The following NR1D2 variants were observed in gnomAD, a reference collection of about 807,000 sequenced individuals.
NR1D2 encodes V-erbA-related protein 1-related.
In NR1D2, 25 loss-of-function variants were observed where a neutral mutation model predicts 52.2. That is an observed-to-expected ratio of 0.48 (90% CI 0.35 to 0.67). The LOEUF is 0.67. Among genes scored for constraint, NR1D2 ranks in the 30% least tolerant of loss-of-function variants. NR1D2 has a pLI of 0.01. For synonymous variants in NR1D2, 259 were observed against 230.1 expected, an observed-to-expected ratio of 1.13 and a Z score of -1.14; for missense variants, 681 against 707.2, an observed-to-expected ratio of 0.96 and a Z score of 0.42.
In NR1D2 at chr3:23,956,145, C is replaced by G. The variant is rs377445534; in HGVS notation, c.372+20C>G. 1.3e-6 allele frequency: 2 copies of G among 1,571,914 alleles called. No individual in the cohort carries two copies. The highest frequency in any genetic ancestry group is 1.8e-6 in the Non-Finnish European group (2 of 1,141,908). On this transcript the variant is annotated intron_variant, in intron 3 of 7. Transcript: ENST00000312521. ...TGTAAGGTAAAGCATGCTTTTGTTT[C>G]TTTAAGCTACTGATTCTGGGATTTA...
intron 7 of NR1D2, among the ~76,000 whole-genome samples, chr3:23,969,466 T>C (rs930526925): frequency 3.3e-5 from 5 of 152,200 alleles, no homozygotes; most frequent in African/African-American, 1.2e-4. Flanking sequence ...GAAAGGAATA[T>C]GTCAATAAGG....
intron 7 of NR1D2, among the ~76,000 whole-genome samples, chr3:23,972,811 G>A (rs563455928): frequency 1.3e-5 from 2 of 152,134 alleles, no homozygotes; most frequent in African/African-American, 4.8e-5. Context: ...CCAGAAGATT[G>A]TTTACCATCC....
chr3:23,974,088 CTTTTT>C (rs60587118), intron 7 of NR1D2, among the ~76,000 whole-genome samples: 36 of 79,504 alleles, frequency 4.5e-4, no homozygotes, highest in African/African-American at 8.9e-4. Flanking sequence ...TTACAGTTAC[CTTTTT>C]TTTTTTTTTT....
intron 1 of NR1D2, chr3:23,946,191 G>A (rs1705697511): frequency 4.1e-6 from 4 of 985,264 alleles, no homozygotes; most frequent in Non-Finnish European, 4.8e-6. Context: ...CCCCGCGGCG[G>A]GGCGTCCCCG....
rs869108010 is a variant in NR1D2, at chr3:23,961,389, CTT to C, written c.518-565_518-564del. On this transcript the variant is annotated intron_variant, in intron 4 of 7. Transcript: ENST00000312521. ...TCATATTTCTTTTTTCTTTTTCTTT[CTT>C]TTTTTTTTTTTTTTTTTTTTTTAAG... 5.8e-3 allele frequency among the ~76,000 whole-genome samples: 438 copies of C among 75,986 alleles called. 4 individuals are homozygous for C. The highest frequency in any genetic ancestry group is 0.021 in the African/African-American group (395 of 18,684). The allele number at this position is 75,986 out of a possible 152,430, so 49.8% of individuals were successfully genotyped here. A position where few individuals can be genotyped will look rare whatever the true frequency, so the allele number is the denominator to read the frequency against.
At chr3:23,976,172 A>G (rs1465480505) in intron 7 of NR1D2, among the ~76,000 whole-genome samples, 1 of 152,250 alleles carries the variant, frequency 6.6e-6, no homozygotes, top group East Asian at 1.9e-4. Context: ...TTATAAACAT[A>G]TTGTATGACA....
chr3:23,975,362 A>C (rs1320358955), intron 7 of NR1D2, among the ~76,000 whole-genome samples: 1 of 151,448 alleles, frequency 6.6e-6, no homozygotes, highest in African/African-American at 2.4e-5. Flanking sequence ...AAGCTCAAGC[A>C]ATCCTCCTGC....
intron 4 of NR1D2, 92 bp downstream of exon 4, chr3:23,959,907 G>A (rs1706191693): frequency 1.7e-6 from 2 of 1,199,168 alleles, no homozygotes; most frequent in Non-Finnish European, 2.3e-6. Context: ...GGTTACCAAG[G>A]ACCCTCTTGT....
chr3:23,971,623 TC>T (rs1256842354), intron 7 of NR1D2, among the ~76,000 whole-genome samples: 1 of 152,166 alleles, frequency 6.6e-6, no homozygotes, highest in African/African-American at 2.4e-5. Flanking sequence ...TCCTTCCTTT[TC>T]CCTCTCAATT....
rs776628424 is a variant in NR1D2 at position 23,962,081 on chromosome 3, C to G, written c.622C>G (p.Gln208Glu). Residue 208 changes from glutamine to glutamate, a missense_variant, in exon 5 of 8, where the codon CAA becomes GAA. This residue lies in a region of NR1D2 where 475 missense variants were observed against 454.5 expected (regional missense o/e 1.05). Transcript: ENST00000312521. ...MMNSQFSGHL[Q>E]NDTLVEHHEQ... is the part of the protein sequence containing the mutation. ...GAACAGCCAGTTCAGTGGTCACTTG[C>G]AAAATGACACATTAGTAGAACATCA... The G allele has an allele frequency of 4.3e-6, 7 of 1,614,022 alleles. No homozygotes were observed. The highest frequency in any genetic ancestry group is 1.3e-5 in the African/African-American group (1 of 74,904).
chr3:23,945,523 C>CGGT lies in NR1D2; in HGVS notation c.-54_-53insTGG. On this transcript the variant is annotated 5_prime_UTR_variant, in exon 1 of 8. Coordinates refer to ENST00000312521, the MANE Select transcript of NR1D2 (RefSeq NM_005126.5). ...CGGCGCGGCGCTGAGGCGGCGGCGG[C>CGGT]GGCGCTGCCCCCTCTGCGGGAAGCG... The CGGT allele has an allele frequency of 9.1e-7, 1 of 1,098,438 alleles. No homozygotes were observed. Among genetic ancestry groups the CGGT allele is most frequent in the Non-Finnish European group, 1.1e-6 (1 of 891,510 alleles). 68.0% of individuals were successfully genotyped at this position (1,098,438 alleles called of 1,614,324 possible). A position where few individuals can be genotyped will look rare whatever the true frequency, so the allele number is the denominator to read the frequency against.
intron 1 of NR1D2, among the ~76,000 whole-genome samples, chr3:23,952,865 T>C (rs1273418766): frequency 1.3e-5 from 2 of 152,164 alleles, no homozygotes; most frequent in African/African-American, 4.8e-5. Flanking sequence ...GAGGGTTTGT[T>C]TCTTAGCCTC....
Position 23,970,704 on chromosome 3 carries a change from T to C in NR1D2, c.1543+2681T>C, listed in dbSNP as rs1267188928. ...GTATGAACATATACAAGTACACATATATGAAGTTTCATGTCAAATTTTAAT... is the reference window on the plus strand; with the variant it reads ...GTATGAACATATACAAGTACACATACATGAAGTTTCATGTCAAATTTTAAT... On this transcript the variant is annotated intron_variant, in intron 7 of 7. Transcript: ENST00000312521. Among the ~76,000 whole-genome samples the C allele has an allele frequency of 2.6e-5, 4 of 152,196 alleles. No homozygotes were observed. The East Asian group carries it at 5.8e-4, about 22-fold the overall frequency.
intron 7 of NR1D2, among the ~76,000 whole-genome samples, chr3:23,976,642 C>T (rs919213157): frequency 7.9e-5 from 12 of 152,184 alleles, no homozygotes; most frequent in Non-Finnish European, 1.2e-4. Flanking sequence ...TGAGCAAGAG[C>T]GTACCTAAGA....
chr3:23,967,725 G>T, intron 6 of NR1D2, 88 bp from the exon 7 acceptor site: 1 of 987,342 alleles, frequency 1.0e-6, no homozygotes, highest in Non-Finnish European at 1.5e-6. Context: ...TATGTGGGAT[G>T]ATTCATAACT....
Position 23,980,303 on chromosome 3 carries a change from G to A in NR1D2, c.*2884G>A, listed in dbSNP as rs910807839. ...TTTTCCAATATAAAGTTTGCTGAAT[G>A]TACAAGAAGAGTTTATCACTTAGGA... On this transcript the variant is annotated 3_prime_UTR_variant, in exon 8 of 8. Transcript: ENST00000312521. 1 of 152,088 alleles carries A rather than the reference G, an allele frequency of 6.6e-6. No homozygotes were observed. Among genetic ancestry groups the A allele is most frequent in the African/African-American group, 2.4e-5 (1 of 41,422 alleles). The allele number at this position is 152,088 out of a possible 1,614,324, so 9.4% of individuals were successfully genotyped here. A position where few individuals can be genotyped will look rare whatever the true frequency, so the allele number is the denominator to read the frequency against.
At chr3:23,946,263 A>G in intron 1 of NR1D2, 2 of 985,452 alleles carry the variant, frequency 2.0e-6, no homozygotes, top group Non-Finnish European at 2.4e-6. Context: ...GGTGACCCCA[A>G]GGCGCGGACC....
In NR1D2 at chr3:23,979,042, A is replaced by G. The variant is rs555957647; in HGVS notation, c.*1623A>G. ...TGGATTATATAAAATTGCAAAAATG[A>G]TAACAGCCCGCTTTACTGTACTAAG... On this transcript the variant is annotated 3_prime_UTR_variant, in exon 8 of 8. Transcript: ENST00000312521. 2.0e-5 allele frequency: 3 copies of G among 152,106 alleles called. No homozygotes were observed. Among genetic ancestry groups the G allele is most frequent in the African/African-American group, 4.8e-5 (2 of 41,442 alleles). The allele number at this position is 152,106 out of a possible 1,614,324, so 9.4% of individuals were successfully genotyped here. A position where few individuals can be genotyped will look rare whatever the true frequency, so the allele number is the denominator to read the frequency against.
intron 7 of NR1D2, among the ~76,000 whole-genome samples, chr3:23,976,600 C>T (rs1044411210): frequency 2.6e-5 from 4 of 152,242 alleles, no homozygotes; most frequent in Non-Finnish European, 4.4e-5. Context: ...CAGGGTGGCT[C>T]ACAGCATGGC....
Sources: gnomAD v4.1 joint callset for allele counts (sites outside exome capture counted in the v4.1 genomes callset) on GRCh38, gnomAD v4.1.1 for gene constraint, gnomAD v4.1.1 regional missense constraint, MANE v1.5 for transcripts, NCBI Gene and HGNC (gene_info 2026-07-23, HGNC 2026-07-21) for gene names.